SLC4A7: variants seen among roughly 807,000 people sequenced by gnomAD.
SLC4A7 encodes solute carrier family 4 member 7.
Under a neutral mutation model 137.6 loss-of-function variants are expected in SLC4A7, and 51 were observed. The observed-to-expected ratio is 0.37, with a 90% CI of 0.30 to 0.47. The LOEUF is 0.47. SLC4A7 is among the 20% of genes least tolerant of loss of function. The probability of loss-of-function intolerance (pLI) is 1.00; values close to 1 mark genes in which losing one functional copy is unlikely to be tolerated. For missense variants in SLC4A7, 1,247 were observed against 1,525.4 expected (o/e 0.82, Z 3.04); for synonymous variants, 542 against 518.6 (o/e 1.05, Z -0.61).
intron 11 of SLC4A7, among the ~76,000 whole-genome samples, chr3:27,415,594 A>T (rs145970486): frequency 3.7e-4 from 56 of 152,334 alleles, no homozygotes; most frequent in Middle Eastern, 3.4e-3. Flanking sequence ...CTGATCTGGG[A>T]ACTCATCTGC....
At position 27,389,821 on chromosome 3, in the gene SLC4A7, G is replaced by C. The variant is rs543899333; in HGVS notation, c.3360+110C>G. On this transcript the variant is annotated intron_variant, in intron 22 of 25. Transcript: ENST00000454389. ...CTAATTCACATTTTCAAACACCTAA[G>C]GTACTTAAAACGCATTATTCTTTTT... is the stretch of plus-strand genomic sequence containing the variant. 70 of 766,210 alleles carry C rather than the reference G, an allele frequency of 9.1e-5. No individual in the cohort carries two copies. In the East Asian group the frequency reaches 1.8e-3, roughly 19 times the overall value. 47.5% of individuals were successfully genotyped at this position (766,210 alleles called of 1,614,324 possible).
chr3:27,482,552 C>A (rs539265969), intron 1 of SLC4A7, among the ~76,000 whole-genome samples: 1 of 152,266 alleles, frequency 6.6e-6, no homozygotes, highest in East Asian at 1.9e-4. Flanking sequence ...GGGTGGATTG[C>A]CTGAGGTCAG....
chr3:27,382,202 C>T (rs2050491965), intron 24 of SLC4A7, among the ~76,000 whole-genome samples: 1 of 152,120 alleles, frequency 6.6e-6, no homozygotes, highest in Admixed American at 6.5e-5. Context: ...TCACTGCAAT[C>T]TCTGCCTCCT....
rs780693194 is a variant in SLC4A7, at chr3:27,398,337, C to T, written c.2444G>A (p.Arg815His). ...ACAAGCTGACCCCAAGAATACACCA[C>T]GAAGTTTTTTACATTCCTGGAAAAA... ...NLTVSECKKL[R>H]GVFLGSACGH... is the part of the protein sequence containing the mutation. The change falls in exon 17 of 26, where the codon CGT (arginine) becomes CAT (histidine). Residue 815 changes from arginine (R) to histidine (H), a missense_variant. Physicochemically the swap from Arg to His is conservative, Grantham distance 29. Transcript: ENST00000454389. 65 of 1,594,118 alleles carry T rather than the reference C, an allele frequency of 4.1e-5. 1 individual carries two copies. Among genetic ancestry groups the T allele is most frequent in the South Asian group, 5.7e-5 (5 of 87,034 alleles).
At chr3:27,466,190 G>A (rs956911252) in intron 1 of SLC4A7, among the ~76,000 whole-genome samples, 7 of 151,346 alleles carry the variant, frequency 4.6e-5, no homozygotes, top group East Asian at 4.0e-4. Context: ...GGTGGCTCAC[G>A]CCTGTAATCC....
intron 25 of SLC4A7, 44 bp downstream of exon 25, chr3:27,379,205 G>A (rs1425102402): frequency 3.9e-6 from 4 of 1,015,656 alleles, no homozygotes; most frequent in East Asian, 5.2e-5. Flanking sequence ...ATAAGTAAAT[G>A]AAAATTGGCT....
intron 22 of SLC4A7, among the ~76,000 whole-genome samples, chr3:27,386,225 G>C (rs1157644881): frequency 1.4e-5 from 2 of 147,188 alleles, no homozygotes; most frequent in Non-Finnish European, 3.0e-5. Context: ...AAACTATAAA[G>C]AGAGGAAAAA....
At chr3:27,468,033 C>T (rs1468471383) in intron 1 of SLC4A7, among the ~76,000 whole-genome samples, 9 of 152,112 alleles carry the variant, frequency 5.9e-5, no homozygotes, top group African/African-American at 2.2e-4. Context: ...AAGAGATTCT[C>T]CTGCCTCAGC....
intron 4 of SLC4A7, among the ~76,000 whole-genome samples, 199 bp from the exon 5 acceptor site, chr3:27,436,747 A>G (rs906516394): frequency 1.2e-4 from 19 of 152,066 alleles, no homozygotes; most frequent in Admixed American, 5.2e-4. Context: ...TCCTCTTTCT[A>G]TTCTAGGTAT....
intron 22 of SLC4A7, among the ~76,000 whole-genome samples, chr3:27,389,084 C>A (rs2051268961): frequency 6.6e-6 from 1 of 151,710 alleles, no homozygotes; most frequent in South Asian, 2.1e-4. Context: ...AGTGGTTTAT[C>A]CATTATTGAT....
intron 24 of SLC4A7, among the ~76,000 whole-genome samples, chr3:27,380,879 AG>A (rs2050354091): frequency 6.6e-6 from 1 of 152,242 alleles, no homozygotes; most frequent in Non-Finnish European, 1.5e-5. Context: ...AAGTGAAGAA[AG>A]GAATTCCTGA....
At chr3:27,461,834 C>T (rs2058717207) in intron 1 of SLC4A7, among the ~76,000 whole-genome samples, 1 of 151,578 alleles carries the variant, frequency 6.6e-6, no homozygotes, top group East Asian at 1.9e-4. Flanking sequence ...CTGTGGCATG[C>T]TCCTGTAGTC....
chr3:27,448,876 A>C, intron 2 of SLC4A7, 79 bp from the exon 3 acceptor site: 1 of 972,196 alleles, frequency 1.0e-6, no homozygotes, highest in East Asian at 2.7e-5. Context: ...TCCAAAATCT[A>C]CTCTGATAAA....
At chr3:27,476,207 A>C (rs1177556965) in intron 1 of SLC4A7, among the ~76,000 whole-genome samples, 5 of 152,180 alleles carry the variant, frequency 3.3e-5, no homozygotes, top group African/African-American at 1.2e-4. Flanking sequence ...AAATAGGATA[A>C]ATTTTCTTAA....
intron 24 of SLC4A7, among the ~76,000 whole-genome samples, chr3:27,381,317 C>A (rs930445269): frequency 3.9e-5 from 6 of 152,128 alleles, no homozygotes; most frequent in Non-Finnish European, 5.9e-5. Context: ...AAATTAAGCA[C>A]AAATACTCTC....
intron 21 of SLC4A7, among the ~76,000 whole-genome samples, chr3:27,390,711 G>C (rs1001864336): frequency 1.3e-5 from 2 of 152,114 alleles, no homozygotes; most frequent in African/African-American, 2.4e-5. Context: ...AAAAAATAAA[G>C]ATGTTTTCCT....
At chr3:27,428,672 C>G (rs2055916906) in intron 7 of SLC4A7, among the ~76,000 whole-genome samples, 1 of 152,136 alleles carries the variant, frequency 6.6e-6, no homozygotes, top group Non-Finnish European at 1.5e-5. Flanking sequence ...ACTAACTTTT[C>G]TAAGTTTCTG....
rs760441053 is a variant in SLC4A7, at chr3:27,403,280, TAAC to T, written c.2177_2179del (p.Cys726del). The T allele has an allele frequency of 3.7e-6, 6 of 1,613,970 alleles. No individual in the cohort carries two copies. The highest frequency in any genetic ancestry group is 5.1e-6 in the Non-Finnish European group (6 of 1,179,952). ...AGCCTCTTCTGTAAATCGAGTAATA[TAAC>T]ACACAAGGCTGCTTGCATCTGTTGC... On this transcript the variant is annotated inframe_deletion, in exon 15 of 26. Transcript: ENST00000454389.
chr3:27,439,400 G>C (rs2057014093), intron 3 of SLC4A7, among the ~76,000 whole-genome samples: 1 of 151,956 alleles, frequency 6.6e-6, no homozygotes, highest in African/African-American at 2.4e-5. Context: ...ACCTAGGCAG[G>C]ATTAAAAAAA....
Sources: gnomAD v4.1 joint callset for allele counts (sites outside exome capture counted in the v4.1 genomes callset) on GRCh38, gnomAD v4.1.1 for gene constraint, MANE v1.5 for transcripts, NCBI Gene and HGNC (gene_info 2026-07-23, HGNC 2026-07-21) for gene names.